Variants in ACTR3B observed in about 807,000 individuals in gnomAD.
ACTR3B encodes actin related protein 3B, also known as actin-related protein 3B.
ACTR3B carries 8 observed loss-of-function variants against 59.0 expected under a neutral mutation model. That is an observed-to-expected ratio of 0.14 (90% confidence interval 0.08 to 0.24). ACTR3B has a LOEUF of 0.24. Among genes scored for constraint, ACTR3B ranks in the 10% least tolerant of loss-of-function variants. ACTR3B has a pLI of 1.00. For missense variants in ACTR3B, 245 were observed against 552.3 expected (o/e 0.44, Z 5.58); for synonymous variants, 148 against 197.9 (o/e 0.75, Z 2.12).
chr7:152,811,374 C>T (rs1422243179), intron 4 of ACTR3B: 1 of 149,988 alleles, frequency 6.7e-6, no homozygotes, highest in Non-Finnish European at 1.5e-5. Context: ...CATGAGGAGA[C>T]TCAGGGAGAG....
chr7:152,822,874 A>G (rs984713663), intron 7 of ACTR3B, among the ~76,000 whole-genome samples: 11 of 152,160 alleles, frequency 7.2e-5, no homozygotes, highest in African/African-American at 2.7e-4. Context: ...GCGTGCTGGG[A>G]CCCAAATGGG....
Position 152,769,207 on chromosome 7 carries a change from T to A in ACTR3B, c.44+9281T>A, listed in dbSNP as rs558871347. 8.5e-5 allele frequency among the ~76,000 whole-genome samples: 13 copies of A among 152,324 alleles called. 1 individual carries two copies. The South Asian group carries it at 2.1e-3, about 24-fold the overall frequency. On this transcript the variant is annotated intron_variant, in intron 1 of 11. Coordinates refer to ENST00000256001, the MANE Select transcript of ACTR3B (RefSeq NM_020445.6). ...CTGTCATGGACTGAGAATGGCATACTAAGGCCTCCTATTGTTAGTAACCTA... is the reference window on the plus strand; with the variant it reads ...CTGTCATGGACTGAGAATGGCATACAAAGGCCTCCTATTGTTAGTAACCTA...
At chr7:152,799,059 C>T (rs2098226469) in intron 2 of ACTR3B, among the ~76,000 whole-genome samples, 1 of 152,154 alleles carries the variant, frequency 6.6e-6, no homozygotes, top group Non-Finnish European at 1.5e-5. Flanking sequence ...AAGGACTGTA[C>T]TGACTCTGTA....
intron 4 of ACTR3B, among the ~76,000 whole-genome samples, chr7:152,810,000 T>A (rs2098264866): frequency 6.6e-6 from 1 of 152,230 alleles, no homozygotes; most frequent in South Asian, 2.1e-4. Flanking sequence ...TTTTGTAATG[T>A]TAACTATATT....
intron 1 of ACTR3B, among the ~76,000 whole-genome samples, chr7:152,767,801 T>C (rs1338277617): frequency 6.6e-6 from 1 of 152,148 alleles, no homozygotes; most frequent in African/African-American, 2.4e-5. Flanking sequence ...TGTTAGTTTT[T>C]TCATTCCTAG....
intron 4 of ACTR3B, chr7:152,812,003 CCCAGAAAA>C (rs1311462388): frequency 3.8e-4 from 37 of 98,034 alleles, no homozygotes; most frequent in African/African-American, 1.1e-3. Flanking sequence ...GTTCTTAATT[CCCAGAAAA>C]TAAAAGTCTT....
intron 2 of ACTR3B, among the ~76,000 whole-genome samples, chr7:152,796,491 T>C (rs546852990): frequency 8.9e-4 from 129 of 144,418 alleles, no homozygotes; most frequent in Non-Finnish European, 1.7e-3. Context: ...GTAAACATTG[T>C]TCCATTTAAT....
At chr7:152,801,789 T>C in intron 4 of ACTR3B, 58 bp downstream of exon 4, 1 of 604,926 alleles carries the variant, frequency 1.7e-6, no homozygotes, top group East Asian at 3.1e-5. Flanking sequence ...GCTTAGATTT[T>C]AAACTGAAGA....
At position 152,852,215 on chromosome 7, in the gene ACTR3B, G is replaced by A. The variant is rs1410865981; in HGVS notation, c.1041G>A (p.Leu347=). 6.2e-7 allele frequency: 1 copy of A among 1,613,904 alleles called. No homozygotes were observed. The highest frequency in any genetic ancestry group is 1.3e-5 in the African/African-American group (1 of 74,936). Residue 347 remains leucine (L), a synonymous_variant, in exon 10 of 12, where the codon CTG becomes CTA. Coordinates refer to ENST00000256001, the MANE Select transcript of ACTR3B (RefSeq NM_020445.6). ...TGAAGAGAGTGGTGGATGCTAGGCT[G>A]AGGCTCAGCGAGGAGCTCAGCGGCG... ...RDLKRVVDAR[L]RLSEELSGGR...
At chr7:152,853,466 GGTAA>G (rs745640668) in intron 10 of ACTR3B, 24 bp from the exon 11 acceptor site, 13 of 1,606,848 alleles carry the variant, frequency 8.1e-6, no homozygotes, top group Middle Eastern at 1.7e-4. Context: ...GTGGGTGTGG[GGTAA>G]GTGAGAGCTG....
At chr7:152,772,891 T>G (rs1408504737) in intron 1 of ACTR3B, among the ~76,000 whole-genome samples, 5 of 151,912 alleles carry the variant, frequency 3.3e-5, no homozygotes, top group Non-Finnish European at 5.9e-5. Flanking sequence ...GTCAACAATA[T>G]CATGGGGGAT....
intron 7 of ACTR3B, 146 bp downstream of exon 7, chr7:152,820,588 T>G: frequency 1.4e-6 from 2 of 1,410,234 alleles, no homozygotes; most frequent in South Asian, 3.0e-5. Context: ...ACCCCTTAAG[T>G]GGGCTGAAGA....
At chr7:152,779,080 T>TG (rs1188564457) in intron 1 of ACTR3B, among the ~76,000 whole-genome samples, 2 of 150,256 alleles carry the variant, frequency 1.3e-5, no homozygotes, top group Non-Finnish European at 3.0e-5. Flanking sequence ...AAGAAGGTTG[T>TG]GGTATAATGT....
At position 152,769,106 on chromosome 7, in the gene ACTR3B, G is replaced by A. The variant is rs558604350; in HGVS notation, c.44+9180G>A. On this transcript the variant is annotated intron_variant, in intron 1 of 11. Transcript: ENST00000256001. ...GACCTCAGGTGATCCACCCGCCTCT[G>A]CCTCCTAAAGTGCTGGGATTACAGG... 5.2e-3 allele frequency among the ~76,000 whole-genome samples: 791 copies of A among 152,206 alleles called. 8 individuals are homozygous for A. The highest frequency in any genetic ancestry group is 7.1e-3 in the Non-Finnish European group (483 of 68,012).
chr7:152,801,285 GC>G (rs1158242438), intron 3 of ACTR3B, among the ~76,000 whole-genome samples: 2 of 152,122 alleles, frequency 1.3e-5, no homozygotes, highest in Non-Finnish European at 2.9e-5. Context: ...TTGCTATGTT[GC>G]CCTGGCTGGT....
chr7:152,823,232 C>T (rs535356579), intron 7 of ACTR3B, 110 bp from the exon 8 acceptor site: 72 of 1,459,346 alleles, frequency 4.9e-5, no homozygotes, highest in African/African-American at 2.4e-4. Context: ...ACGGTGGGGG[C>T]GGTTCTGATC....
chr7:152,809,871 A>G (rs1469002966), intron 4 of ACTR3B, among the ~76,000 whole-genome samples: 1 of 152,036 alleles, frequency 6.6e-6, no homozygotes, highest in Non-Finnish European at 1.5e-5. Context: ...ACAAATGGTA[A>G]CACAATATGC....
intron 9 of ACTR3B, among the ~76,000 whole-genome samples, chr7:152,840,404 C>A (rs1033817818): frequency 6.6e-6 from 1 of 152,220 alleles, no homozygotes; most frequent in Non-Finnish European, 1.5e-5. Flanking sequence ...CTAATTTCCC[C>A]TCAGACCTGC....
chr7:152,762,791 G>A (rs961053545), intron 1 of ACTR3B, among the ~76,000 whole-genome samples: 5 of 152,080 alleles, frequency 3.3e-5, no homozygotes, highest in Non-Finnish European at 7.4e-5. Flanking sequence ...CTTTCAAGAT[G>A]TTGGCATTTT....
Sources: allele counts gnomAD v4.1 joint callset (sites outside exome capture counted in the v4.1 genomes callset), GRCh38; gene constraint gnomAD v4.1.1; transcripts MANE v1.5; gene names NCBI Gene and HGNC (gene_info 2026-07-23, HGNC 2026-07-21).